Variants in ZNF605 observed in about 807,000 individuals in gnomAD.
ZNF605 encodes the protein zinc finger protein 605.
Under a neutral mutation model 7.9 loss-of-function variants are expected in ZNF605, and 9 were observed. That is an observed-to-expected ratio of 1.14 (90% CI 0.68 to 1.98). The LOEUF (loss-of-function observed/expected upper bound fraction) is 1.98, where lower values mean the gene tolerates loss of function less well. Ranked by LOEUF, ZNF605 falls within the 30% of genes most tolerant of loss-of-function variation. ZNF605 has a pLI of 0.00. For missense variants in ZNF605, 673 were observed against 762.4 expected (o/e 0.88, Z 1.38); for synonymous variants, 255 against 260.1 (o/e 0.98, Z 0.19).
intron 4 of ZNF605, among the ~76,000 whole-genome samples, chr12:132,928,011 T>C (rs995443938): frequency 2.0e-5 from 3 of 152,110 alleles, no homozygotes; most frequent in South Asian, 2.1e-4. Flanking sequence ...ACAGTGATCA[T>C]GAGATGAAAG....
rs761632700 is a variant in ZNF605, at chr12:132,951,196, A to G, written c.-285-2926T>C. 3.0e-3 allele frequency among the ~76,000 whole-genome samples: 450 copies of G among 151,956 alleles called. 1 individual carries two copies. The highest frequency in any genetic ancestry group is 7.7e-3 in the South Asian group (37 of 4,814). On this transcript the variant is annotated intron_variant, in intron 1 of 4. Transcript: ENST00000360187. ...CAGACGTACACACAGACATGCACAC[A>G]CACTCAGACACACTGATACACATGT... is the stretch of plus-strand genomic sequence containing the variant.
chr12:132,939,990 C>A (rs1952418756), intron 3 of ZNF605, among the ~76,000 whole-genome samples: 3 of 152,024 alleles, frequency 2.0e-5, no homozygotes, highest in South Asian at 2.1e-4. Context: ...AAACTCCGAA[C>A]ACAGCTGAAC....
At chr12:132,952,874 G>A (rs969242491) in intron 1 of ZNF605, among the ~76,000 whole-genome samples, 60 of 152,052 alleles carry the variant, frequency 3.9e-4, no homozygotes, top group African/African-American at 1.4e-3. Flanking sequence ...GCCAACCCAC[G>A]ACCCATTCAC....
chr12:132,944,505 C>A (rs897012731), intron 3 of ZNF605, among the ~76,000 whole-genome samples: 6 of 152,182 alleles, frequency 3.9e-5, no homozygotes, highest in Admixed American at 3.3e-4. Flanking sequence ...CCATCCAAAA[C>A]ACATCAACAT....
At chr12:132,932,859 T>C in intron 4 of ZNF605, 176 bp downstream of exon 4, 1 of 1,409,974 alleles carries the variant, frequency 7.1e-7, no homozygotes, top group South Asian at 1.3e-5. Flanking sequence ...CTAAGAGTCT[T>C]AAATATGTAG....
chr12:132,939,116 C>T (rs1398295052), intron 3 of ZNF605, among the ~76,000 whole-genome samples: 2 of 151,864 alleles, frequency 1.3e-5, no homozygotes, highest in Non-Finnish European at 2.9e-5. Context: ...TCCCATCGAC[C>T]ACCCAAGGGC....
At chr12:132,934,665 C>T (rs1028939313) in intron 3 of ZNF605, among the ~76,000 whole-genome samples, 49 of 147,714 alleles carry the variant, frequency 3.3e-4, no homozygotes, top group African/African-American at 1.1e-3. Flanking sequence ...GAGATTGTGC[C>T]GCTGCACTCC....
intron 2 of ZNF605, among the ~76,000 whole-genome samples, chr12:132,946,873 G>A (rs1259121004): frequency 1.3e-5 from 2 of 152,168 alleles, no homozygotes; most frequent in Non-Finnish European, 2.9e-5. Flanking sequence ...CGCATCTCCA[G>A]ACCACGTGGG....
rs1344889313 is a variant in ZNF605 at position 132,941,643 on chromosome 12, C to T, written c.15+3978G>A. ...AGCTTCGGTGGCTGCTGGGAGGGGA[C>T]GAGATAACCGCAGCCTGGACTACGC... On this transcript the variant is annotated intron_variant, in intron 3 of 4. Transcript: ENST00000360187. The surrounding 1 kb of genome is among the most constrained non-coding windows in gnomAD (Gnocchi z 5.1). Among the ~76,000 whole-genome samples, 11 of 152,196 alleles carry T rather than the reference C, an allele frequency of 7.2e-5. No homozygotes were observed. Among genetic ancestry groups the T allele is most frequent in the Admixed American group, 4.6e-4 (7 of 15,272 alleles).
At chr12:132,935,921 C>T (rs1952360640) in intron 3 of ZNF605, among the ~76,000 whole-genome samples, 3 of 141,332 alleles carry the variant, frequency 2.1e-5, no homozygotes, top group Admixed American at 1.4e-4. Flanking sequence ...ATTAGCCGGG[C>T]GTGGTGGTGG....
In ZNF605 at chr12:132,926,015, T is replaced by C; in HGVS notation, c.1284A>G (p.Lys428=). Residue 428 remains lysine (K), a synonymous_variant, in exon 5 of 5, where the codon AAA becomes AAG. Transcript: ENST00000360187. ...GGAGCTGGGACTTCCCAAAGAAGGT[T>C]TTCCCACATTGAATGCATCCATATG... ...EKPYGCIQCG[K]TFFGKSQLLT... 6.2e-7 allele frequency: 1 copy of C among 1,614,218 alleles called. No individual in the cohort carries two copies. The highest frequency in any genetic ancestry group is 8.5e-7 in the Non-Finnish European group (1 of 1,180,044).
chr12:132,951,049 G>T (rs370487601), intron 1 of ZNF605, among the ~76,000 whole-genome samples: 35 of 150,726 alleles, frequency 2.3e-4, no homozygotes, highest in African/African-American at 8.3e-4. Context: ...TGTACACACA[G>T]ATACATCATA....
intron 3 of ZNF605, among the ~76,000 whole-genome samples, chr12:132,936,133 T>G (rs1331588033): frequency 6.6e-6 from 1 of 151,034 alleles, no homozygotes; most frequent in Non-Finnish European, 1.5e-5. Flanking sequence ...GCACAGAATA[T>G]AAAATAAATA....
intron 4 of ZNF605, among the ~76,000 whole-genome samples, chr12:132,932,532 G>GGTT (rs1952318099): frequency 6.6e-6 from 1 of 152,110 alleles, no homozygotes; most frequent in Non-Finnish European, 1.5e-5. Flanking sequence ...GACACATCCC[G>GGTT]ATGTGGAGAC....
chr12:132,939,824 G>A (rs978495651), intron 3 of ZNF605, among the ~76,000 whole-genome samples: 5 of 150,584 alleles, frequency 3.3e-5, no homozygotes, highest in South Asian at 2.1e-4. Context: ...CACTCACCGC[G>A]AAGATCTGCA....
At chr12:132,931,367 A>T (rs950181705) in intron 4 of ZNF605, among the ~76,000 whole-genome samples, 2 of 152,156 alleles carry the variant, frequency 1.3e-5, no homozygotes, top group Non-Finnish European at 2.9e-5. Flanking sequence ...ATCTCTCTTT[A>T]TGGGGAAAAA....
At chr12:132,940,275 C>T (rs1008633223) in intron 3 of ZNF605, among the ~76,000 whole-genome samples, 36 of 152,144 alleles carry the variant, frequency 2.4e-4, no homozygotes, top group Non-Finnish European at 4.0e-4. Flanking sequence ...TGTGTGGTGA[C>T]GGAGCCGCTC....
chr12:132,932,583 C>A, intron 4 of ZNF605: 1 of 608,156 alleles, frequency 1.6e-6, no homozygotes, highest in Non-Finnish European at 2.8e-6. Context: ...TGTCACCAAT[C>A]TTGAGTCAAC....
At position 132,921,729 on chromosome 12, in the gene ZNF605, A is replaced by G. The variant is rs1476720567; in HGVS notation, c.*3644T>C. 10 of 152,256 alleles carry G rather than the reference A, an allele frequency of 6.6e-5. No individual in the cohort carries two copies. 9.4% of individuals were successfully genotyped at this position (152,256 alleles called of 1,614,324 possible). On this transcript the variant is annotated 3_prime_UTR_variant, in exon 5 of 5. Coordinates refer to ENST00000360187, the MANE Select transcript of ZNF605 (RefSeq NM_183238.4). ...CAGGTTAAAATGCAAATCCAAGTGA[A>G]AGGAAAAAGCACTACTGTGAAGCCT...
Sources: allele counts gnomAD v4.1 joint callset (sites outside exome capture counted in the v4.1 genomes callset), GRCh38; gene constraint gnomAD v4.1.1; non-coding constraint Gnocchi (gnomAD v3.1); transcripts MANE v1.5; gene names NCBI Gene and HGNC (gene_info 2026-07-23, HGNC 2026-07-21).